The following KLHL29 variants were observed in gnomAD, a reference collection of about 807,000 sequenced individuals.
The protein encoded by KLHL29 is kelch like family member 29, also known as kelch-like protein 29.
Under a neutral mutation model 80.4 loss-of-function variants are expected in KLHL29, and 21 were observed. The observed-to-expected ratio is 0.26, with a 90% CI of 0.19 to 0.38. The LOEUF is 0.38. Ranked by LOEUF, KLHL29 falls within the 10% of genes least tolerant of loss-of-function variation. KLHL29 has a pLI of 1.00. For synonymous variants in KLHL29, 511 were observed against 526.8 expected (o/e 0.97, Z 0.41); for missense variants, 867 against 1,223.9 (o/e 0.71, Z 4.35).
intron 2 of KLHL29, among the ~76,000 whole-genome samples, chr2:23,487,261 C>G (rs1664958872): frequency 6.6e-6 from 1 of 152,164 alleles, no homozygotes; most frequent in Non-Finnish European, 1.5e-5. Flanking sequence ...CAGAGCGTCT[C>G]CTTGCTGGCT....
At chr2:23,416,500 T>A (rs1271358127) in intron 1 of KLHL29, among the ~76,000 whole-genome samples, 1 of 152,200 alleles carries the variant, frequency 6.6e-6, no homozygotes, top group South Asian at 2.1e-4. Context: ...CAGGGTCTCT[T>A]CATGCAAATG....
chr2:23,452,482 A>G (rs961499440), intron 1 of KLHL29, among the ~76,000 whole-genome samples: 6 of 152,148 alleles, frequency 3.9e-5, no homozygotes, highest in African/African-American at 1.4e-4. Flanking sequence ...GAGGGGTCAC[A>G]CATCCAAACC....
At chr2:23,645,116 CT>C in intron 5 of KLHL29, among the ~76,000 whole-genome samples, 1 of 152,236 alleles carries the variant, frequency 6.6e-6, no homozygotes, top group Middle Eastern at 3.4e-3. Flanking sequence ...TGGGTTTTTT[CT>C]TTTTTTAATA....
chr2:23,565,459 G>A (rs1047051163), intron 3 of KLHL29, among the ~76,000 whole-genome samples: 6 of 152,218 alleles, frequency 3.9e-5, no homozygotes, highest in Non-Finnish European at 8.8e-5. Flanking sequence ...AAAGGAAAGA[G>A]CATCTCAAAC....
chr2:23,527,865 A>C (rs1476377254), intron 2 of KLHL29, among the ~76,000 whole-genome samples: 1 of 152,192 alleles, frequency 6.6e-6, no homozygotes, highest in African/African-American at 2.4e-5. Flanking sequence ...GTTTTGGACC[A>C]TTCATCCCAA....
intron 1 of KLHL29, among the ~76,000 whole-genome samples, chr2:23,402,375 A>G (rs1448970007): frequency 1.3e-5 from 2 of 152,232 alleles, no homozygotes; most frequent in Non-Finnish European, 2.9e-5. Context: ...GAGCCAGAAA[A>G]GATAAACTTT....
At chr2:23,501,840 G>A (rs887484820) in intron 2 of KLHL29, among the ~76,000 whole-genome samples, 1 of 152,166 alleles carries the variant, frequency 6.6e-6, no homozygotes, top group African/African-American at 2.4e-5. Context: ...TTCCTATCAA[G>A]TAAAAGAGCA....
chr2:23,539,821 T>C, intron 2 of KLHL29, among the ~76,000 whole-genome samples: 1 of 152,186 alleles, frequency 6.6e-6, no homozygotes, highest in South Asian at 2.1e-4. Flanking sequence ...GCAGTCTCCA[T>C]AGTTTAGCTT....
chr2:23,420,840 C>T (rs541844257), intron 1 of KLHL29, among the ~76,000 whole-genome samples: 2 of 152,148 alleles, frequency 1.3e-5, no homozygotes, highest in East Asian at 1.9e-4. Flanking sequence ...GGCACATGTA[C>T]GACTCATCTT....
intron 1 of KLHL29, among the ~76,000 whole-genome samples, chr2:23,450,772 C>T (rs528519700): frequency 7.9e-5 from 12 of 151,972 alleles, no homozygotes; most frequent in Non-Finnish European, 1.6e-4. Flanking sequence ...TATAATTTAC[C>T]CATTTAAGGT....
intron 3 of KLHL29, among the ~76,000 whole-genome samples, chr2:23,581,540 T>C (rs1315421325): frequency 1.3e-5 from 2 of 152,076 alleles, no homozygotes; most frequent in African/African-American, 4.8e-5. Flanking sequence ...TTTAAAAACT[T>C]TTAGGCTGGA....
chr2:23,629,016 C>T (rs1258149467), intron 3 of KLHL29, among the ~76,000 whole-genome samples: 5 of 152,216 alleles, frequency 3.3e-5, no homozygotes, highest in African/African-American at 1.2e-4. Context: ...TGGAGAGGGT[C>T]ACCGTGCTCA....
At chr2:23,502,172 G>A (rs777532809) in intron 2 of KLHL29, among the ~76,000 whole-genome samples, 3 of 152,114 alleles carry the variant, frequency 2.0e-5, no homozygotes, top group East Asian at 3.9e-4. Context: ...TCAGACATTC[G>A]CAATGCCTCC....
rs1462097805 is a variant in KLHL29, at chr2:23,682,856, C to T, written c.941-1543C>T. Among the ~76,000 whole-genome samples the T allele has an allele frequency of 6.6e-5, 10 of 151,112 alleles. No homozygotes were observed. The highest frequency in any genetic ancestry group is 1.0e-4 in the Non-Finnish European group (7 of 67,890). On this transcript the variant is annotated intron_variant, in intron 5 of 13. Coordinates refer to ENST00000486442, the MANE Select transcript of KLHL29 (RefSeq NM_052920.2). The surrounding 1 kb of genome is among the most constrained non-coding windows in gnomAD (Gnocchi z 4.1). ...AGATGCTCTGCTGTGACTCCAGACT[C>T]AGTGTGACTTGGGGTTGGCGGGGTC...
intron 3 of KLHL29, among the ~76,000 whole-genome samples, chr2:23,592,873 C>T (rs1668303196): frequency 6.6e-6 from 1 of 152,166 alleles, no homozygotes; most frequent in Non-Finnish European, 1.5e-5. Flanking sequence ...GCACGTTGGT[C>T]CAGGAACTTT....
At position 23,473,264 on chromosome 2, in the gene KLHL29, G is replaced by A. The variant is rs183711634; in HGVS notation, c.-153-2296G>A. 2.2e-4 allele frequency among the ~76,000 whole-genome samples: 34 copies of A among 152,176 alleles called. 1 individual carries two copies. The East Asian group carries it at 3.9e-3, about 17-fold the overall frequency. ...GCTGAACCTAACCAGAAGTCAGAGG[G>A]TCCAAAACATGAGGGATGCTCTCCA... is the stretch of plus-strand genomic sequence containing the variant. On this transcript the variant is annotated intron_variant, in intron 1 of 13. Coordinates refer to ENST00000486442, the MANE Select transcript of KLHL29 (RefSeq NM_052920.2).
intron 2 of KLHL29, among the ~76,000 whole-genome samples, chr2:23,524,614 G>C (rs1041424360): frequency 6.6e-6 from 1 of 152,210 alleles, no homozygotes; most frequent in African/African-American, 2.4e-5. Flanking sequence ...CTCAGAGAGG[G>C]GGTGGGTGGA....
intron 2 of KLHL29, among the ~76,000 whole-genome samples, chr2:23,510,726 C>G (rs1665743339): frequency 6.6e-6 from 1 of 152,202 alleles, no homozygotes; most frequent in Non-Finnish European, 1.5e-5. Context: ...GGGAGGGCGG[C>G]TCCTGCCCTA....
intron 5 of KLHL29, among the ~76,000 whole-genome samples, chr2:23,652,032 G>A (rs1406890458): frequency 2.6e-5 from 4 of 152,266 alleles, no homozygotes; most frequent in African/African-American, 4.8e-5. Context: ...ATTTCAGTCC[G>A]TAACAGTCTA....
Sources: gnomAD v4.1 joint callset for allele counts (sites outside exome capture counted in the v4.1 genomes callset) on GRCh38, gnomAD v4.1.1 for gene constraint, Gnocchi (gnomAD v3.1) non-coding constraint, MANE v1.5 for transcripts, NCBI Gene and HGNC (gene_info 2026-07-23, HGNC 2026-07-21) for gene names.